CNTLN: variants seen among roughly 807,000 people sequenced by gnomAD.
The protein encoded by CNTLN is centlein, also known as centlein, centrosomal protein.
A neutral mutation model predicts 180.0 loss-of-function variants in CNTLN; 212 were observed. That is an observed-to-expected ratio of 1.18 (90% CI 1.05 to 1.32). The LOEUF (loss-of-function observed/expected upper bound fraction) is 1.32, where lower values mean the gene tolerates loss of function less well. CNTLN is among the 40% of genes most tolerant of loss of function. The pLI, the probability that CNTLN is intolerant of heterozygous loss-of-function variation, is 0.00. For synonymous variants in CNTLN, 722 were observed against 563.1 expected (o/e 1.28, Z -3.99); for missense variants, 2,095 against 1,610.9 (o/e 1.30, Z -5.14).
At chr9:17,464,218 T>G (rs534346445) in intron 20 of CNTLN, among the ~76,000 whole-genome samples, 1 of 151,468 alleles carries the variant, frequency 6.6e-6, no homozygotes, top group Non-Finnish European at 1.5e-5. Flanking sequence ...AGTTCTAAGT[T>G]TTCATAAGTG....
intron 18 of CNTLN, among the ~76,000 whole-genome samples, chr9:17,443,950 A>G (rs1351681409): frequency 6.6e-6 from 1 of 152,218 alleles, no homozygotes; most frequent in African/African-American, 2.4e-5. Flanking sequence ...TTTGGTCAAC[A>G]GTGTCAGATC....
At position 17,298,187 on chromosome 9, in the gene CNTLN, C is replaced by A; in HGVS notation, c.984-3C>A. ...TTCTCTATTTATTGCTTGCTTTGCA[C>A]AGGAAGGAACTGCAGGAGCTGCAGA... is the stretch of plus-strand genomic sequence containing the variant. On this transcript the variant is annotated splice_region_variant and splice_polypyrimidine_tract_variant and intron_variant, in intron 6 of 25. Coordinates refer to ENST00000380647, the MANE Select transcript of CNTLN (RefSeq NM_017738.4). The A allele has an allele frequency of 6.8e-7, 1 of 1,463,156 alleles. No homozygotes were observed. 90.6% of individuals were successfully genotyped at this position (1,463,156 alleles called of 1,614,324 possible).
intron 7 of CNTLN, among the ~76,000 whole-genome samples, chr9:17,307,266 T>C (rs1323459303): frequency 1.4e-5 from 2 of 143,662 alleles, no homozygotes; most frequent in African/African-American, 2.8e-5. Context: ...ATAATATCGA[T>C]AGATAATTTT....
intron 5 of CNTLN, among the ~76,000 whole-genome samples, chr9:17,241,490 G>C (rs1398924501): frequency 1.3e-5 from 2 of 152,100 alleles, no homozygotes; most frequent in Non-Finnish European, 2.9e-5. Flanking sequence ...CAGGTGATGT[G>C]ATTCCTCCAG....
At chr9:17,428,220 T>C (rs953582431) in intron 18 of CNTLN, among the ~76,000 whole-genome samples, 1 of 152,068 alleles carries the variant, frequency 6.6e-6, no homozygotes, top group Non-Finnish European at 1.5e-5. Context: ...CTTTTCAACT[T>C]CATGAGTACA....
intron 5 of CNTLN, among the ~76,000 whole-genome samples, chr9:17,266,217 C>T (rs1219726924): frequency 6.6e-6 from 1 of 152,104 alleles, no homozygotes; most frequent in African/African-American, 2.4e-5. Flanking sequence ...GAATGTGTTC[C>T]AGAGATTCTG....
Position 17,232,439 on chromosome 9 carries a change from C to T in CNTLN, c.535-3219C>T, listed in dbSNP as rs146829479. ...CCAAAATCTAAATTATTAAATAATT[C>T]TCATGAAAGGACTCTCTATTGGTAT... On this transcript the variant is annotated intron_variant, in intron 3 of 25. Transcript: ENST00000380647. 3.1e-3 allele frequency among the ~76,000 whole-genome samples: 466 copies of T among 151,872 alleles called. 3 individuals carry two copies. Among genetic ancestry groups the T allele is most frequent in the African/African-American group, 0.011 (446 of 41,472 alleles).
At chr9:17,528,350 C>A in the CNTLN span, among the ~76,000 whole-genome samples, 1 of 152,198 alleles carries the variant, frequency 6.6e-6, no homozygotes. Flanking sequence ...TGGAGCTTTA[C>A]CTCTGTGGTC....
chr9:17,480,624 A>C (rs1832593406), intron 23 of CNTLN, among the ~76,000 whole-genome samples: 1 of 152,172 alleles, frequency 6.6e-6, no homozygotes, highest in African/African-American at 2.4e-5. Context: ...TAAGCCACAA[A>C]ATTTAACAAA....
intron 25 of CNTLN, among the ~76,000 whole-genome samples, chr9:17,500,382 T>TAC (rs1833680421): frequency 6.6e-6 from 1 of 151,954 alleles, no homozygotes; most frequent in Admixed American, 6.6e-5. Context: ...ATAATAAGAG[T>TAC]AGATTTAGAT....
intron 14 of CNTLN, among the ~76,000 whole-genome samples, chr9:17,392,445 A>G (rs1826185344): frequency 6.6e-6 from 1 of 152,236 alleles, no homozygotes. Context: ...TGATTTGGAA[A>G]AAGTAAAAAG....
chr9:17,481,893 A>G (rs1371494077), intron 23 of CNTLN, among the ~76,000 whole-genome samples: 2 of 152,140 alleles, frequency 1.3e-5, no homozygotes, highest in East Asian at 3.9e-4. Context: ...CTGCCTACCC[A>G]TGGATGTTGT....
chr9:17,489,099 T>C (rs918274252), intron 25 of CNTLN, among the ~76,000 whole-genome samples: 1 of 152,112 alleles, frequency 6.6e-6, no homozygotes, highest in African/African-American at 2.4e-5. Flanking sequence ...ACTTTATAAT[T>C]ACACCCAAGA....
At chr9:17,205,511 T>C (rs1822853816) in intron 2 of CNTLN, among the ~76,000 whole-genome samples, 1 of 152,108 alleles carries the variant, frequency 6.6e-6, no homozygotes, top group African/African-American at 2.4e-5. Flanking sequence ...TTTATGAGGC[T>C]TGAAATTCCT....
the CNTLN span, among the ~76,000 whole-genome samples, chr9:17,522,702 C>G: frequency 6.6e-6 from 1 of 151,928 alleles, no homozygotes; most frequent in Non-Finnish European, 1.5e-5. Context: ...GGCTATCTAG[C>G]TTTTTGTATG....
intron 25 of CNTLN, among the ~76,000 whole-genome samples, chr9:17,488,993 A>C (rs139265872): frequency 6.6e-6 from 1 of 152,014 alleles, no homozygotes; most frequent in East Asian, 1.9e-4. Flanking sequence ...AAAGTCAAAG[A>C]CTTTTTATTT....
chr9:17,316,074 C>G (rs1388172684), intron 8 of CNTLN, among the ~76,000 whole-genome samples: 8 of 151,486 alleles, frequency 5.3e-5, no homozygotes, highest in Non-Finnish European at 1.2e-4. Flanking sequence ...GTCTTTTTTT[C>G]TCTTTAATTC....
At chr9:17,374,587 G>A (rs1364183892) in intron 13 of CNTLN, among the ~76,000 whole-genome samples, 1 of 152,162 alleles carries the variant, frequency 6.6e-6, no homozygotes, top group East Asian at 1.9e-4. Flanking sequence ...TAGGCTGGGT[G>A]CAGTGGCTTA....
intron 5 of CNTLN, among the ~76,000 whole-genome samples, chr9:17,239,512 G>A (rs1825360789): frequency 6.6e-6 from 1 of 152,080 alleles, no homozygotes; most frequent in Non-Finnish European, 1.5e-5. Flanking sequence ...TGTTACCCAT[G>A]CTTTTGATGT....
Sources: allele counts gnomAD v4.1 joint callset (sites outside exome capture counted in the v4.1 genomes callset), GRCh38; gene constraint gnomAD v4.1.1; transcripts MANE v1.5; gene names NCBI Gene and HGNC (gene_info 2026-07-23, HGNC 2026-07-21).